The following GRID2 variants were observed in gnomAD, a reference collection of about 807,000 sequenced individuals.
GRID2 encodes the protein glutamate receptor ionotropic, delta-2.
GRID2 carries 33 observed loss-of-function variants against 114.8 expected under a neutral mutation model. The ratio of observed to expected loss-of-function variants is 0.29; its 90% CI spans 0.22 to 0.38. The LOEUF (loss-of-function observed/expected upper bound fraction) is 0.38. Among genes scored for constraint, GRID2 ranks in the 10% least tolerant of loss-of-function variants. GRID2 has a pLI of 1.00. For synonymous variants in GRID2, 505 were observed against 449.9 expected, an observed-to-expected ratio of 1.12 and a Z score of -1.55; for missense variants, 1,184 against 1,257.7, an observed-to-expected ratio of 0.94 and a Z score of 0.89.
intron 4 of GRID2, among the ~76,000 whole-genome samples, chr4:93,150,515 A>G (rs1030389506): frequency 2.0e-5 from 3 of 152,028 alleles, no homozygotes; most frequent in African/African-American, 7.2e-5. Context: ...CTGTGCCCCC[A>G]TTGGCACCCT....
At chr4:93,495,698 A>G (rs2149466446) in intron 12 of GRID2, among the ~76,000 whole-genome samples, 1 of 151,868 alleles carries the variant, frequency 6.6e-6, no homozygotes, top group Non-Finnish European at 1.5e-5. Flanking sequence ...GCAATTAACT[A>G]GTATGTCTCT....
intron 2 of GRID2, among the ~76,000 whole-genome samples, chr4:92,660,562 C>T (rs796402942): frequency 1.4e-4 from 21 of 151,270 alleles, no homozygotes; most frequent in Non-Finnish European, 2.4e-4. Flanking sequence ...AAGAGTCTTA[C>T]GTTTTATACT....
intron 2 of GRID2, among the ~76,000 whole-genome samples, chr4:92,755,721 T>C (rs1469590344): frequency 1.3e-5 from 2 of 152,208 alleles, no homozygotes; most frequent in Non-Finnish European, 2.9e-5. Context: ...GATACTATCA[T>C]AGAAGTAAGT....
intron 1 of GRID2, among the ~76,000 whole-genome samples, chr4:93,789,038 T>C (rs999772739): frequency 1.3e-5 from 2 of 152,178 alleles, no homozygotes; most frequent in African/African-American, 4.8e-5. Flanking sequence ...ATCTCTTTTC[T>C]CCTCACAATC....
At chr4:92,713,710 T>C (rs1012427586) in intron 2 of GRID2, among the ~76,000 whole-genome samples, 1 of 151,402 alleles carries the variant, frequency 6.6e-6, no homozygotes, top group Non-Finnish European at 1.5e-5. Flanking sequence ...GGCAGACAAG[T>C]GAAGAAAGTT....
chr4:92,758,195 G>T (rs1022274668), intron 2 of GRID2, among the ~76,000 whole-genome samples: 1 of 152,048 alleles, frequency 6.6e-6, no homozygotes, highest in Non-Finnish European at 1.5e-5. Context: ...TTTCAAAGTG[G>T]TATATAAGTC....
intron 13 of GRID2, among the ~76,000 whole-genome samples, chr4:93,594,826 T>G (rs1235140122): frequency 2.0e-5 from 3 of 152,136 alleles, no homozygotes; most frequent in Admixed American, 2.0e-4. Flanking sequence ...CCAGGTGCCG[T>G]CCATCACCCC....
intron 10 of GRID2, among the ~76,000 whole-genome samples, chr4:93,453,994 C>T (rs1023420286): frequency 2.0e-5 from 3 of 151,846 alleles, no homozygotes; most frequent in Admixed American, 6.6e-5. Context: ...TCAGAAAAGA[C>T]GGGACAAGGG....
At chr4:92,405,698 A>G (rs556697657) in intron 1 of GRID2, among the ~76,000 whole-genome samples, 2 of 148,086 alleles carry the variant, frequency 1.4e-5, no homozygotes, top group African/African-American at 2.5e-5. Context: ...AAGTAGGTAA[A>G]AGTTACATTC....
At position 92,687,702 on chromosome 4, in the gene GRID2, G is replaced by A. The variant is rs924465167; in HGVS notation, c.244+97416G>A. Among the ~76,000 whole-genome samples the A allele has an allele frequency of 5.3e-5, 8 of 152,082 alleles. No individual in the cohort carries two copies. In the South Asian group the frequency reaches 6.2e-4, roughly 12 times the overall value. ...AAATTAGCTGGGCGTTGTGGCCCGC[G>A]CCTATAATCGCAGCTACTCAGGAGG... On this transcript the variant is annotated intron_variant, in intron 2 of 15. Transcript: ENST00000282020.
At chr4:92,699,503 T>C (rs1234103784) in intron 2 of GRID2, among the ~76,000 whole-genome samples, 1 of 152,128 alleles carries the variant, frequency 6.6e-6, no homozygotes, top group Non-Finnish European at 1.5e-5. Flanking sequence ...TAGGACAGAG[T>C]AATGATCATT....
chr4:93,400,603 A>G (rs895608255), intron 9 of GRID2, among the ~76,000 whole-genome samples: 7 of 152,166 alleles, frequency 4.6e-5, no homozygotes, highest in African/African-American at 1.7e-4. Context: ...ATATATGATA[A>G]TAAAATGGAA....
At chr4:93,039,755 T>C (rs765817706) in intron 2 of GRID2, among the ~76,000 whole-genome samples, 60 of 152,162 alleles carry the variant, frequency 3.9e-4, no homozygotes, top group Admixed American at 6.5e-4. Context: ...CATACTAACC[T>C]TGGTCCTTGG....
intron 1 of GRID2, among the ~76,000 whole-genome samples, chr4:92,466,066 T>C (rs1197898092): frequency 6.6e-6 from 1 of 151,816 alleles, no homozygotes; most frequent in Admixed American, 6.6e-5. Context: ...TTTATAGATA[T>C]GTTGAGTAGG....
chr4:92,934,826 A>G lies in GRID2; in HGVS notation c.245-150169A>G, dbSNP rs1232876439. Among the ~76,000 whole-genome samples, 21 of 146,808 alleles carry G rather than the reference A, an allele frequency of 1.4e-4. No individual in the cohort carries two copies. The East Asian group carries it at 2.2e-3, about 15-fold the overall frequency. On this transcript the variant is annotated intron_variant, in intron 2 of 15. Coordinates refer to ENST00000282020, the MANE Select transcript of GRID2 (RefSeq NM_001510.4). ...TTAATAAATGGTGCTGGGAAAACTG[A>G]CTAGCCATATGTAGAAAGCTGAAAC...
intron 2 of GRID2, among the ~76,000 whole-genome samples, chr4:93,046,231 A>G (rs1226684748): frequency 2.6e-5 from 4 of 152,030 alleles, no homozygotes; most frequent in Non-Finnish European, 4.4e-5. Flanking sequence ...CCCTCATGAT[A>G]TTACATTTTT....
chr4:92,420,989 C>T (rs1183982587), intron 1 of GRID2, among the ~76,000 whole-genome samples: 1 of 152,030 alleles, frequency 6.6e-6, no homozygotes, highest in Non-Finnish European at 1.5e-5. Context: ...CTGGCCCTCA[C>T]ACTGAAGTTT....
chr4:92,637,924 T>C (rs146775059), intron 2 of GRID2, among the ~76,000 whole-genome samples: 217 of 152,100 alleles, frequency 1.4e-3, no homozygotes, highest in African/African-American at 4.9e-3. Flanking sequence ...ATGTGGGGAA[T>C]AGAAGTTGTT....
At chr4:93,781,548 G>A (rs558570161) in intron 1 of GRID2, among the ~76,000 whole-genome samples, 6 of 152,046 alleles carry the variant, frequency 3.9e-5, no homozygotes, top group African/African-American at 7.2e-5. Flanking sequence ...AGTGTCAGTC[G>A]GGGGTTGGTT....
Sources: allele counts gnomAD v4.1 joint callset (sites outside exome capture counted in the v4.1 genomes callset), GRCh38; gene constraint gnomAD v4.1.1; transcripts MANE v1.5; gene names NCBI Gene and HGNC (gene_info 2026-07-23, HGNC 2026-07-21).